TMEM108: variants seen among roughly 807,000 people sequenced by gnomAD.
TMEM108 encodes the protein transmembrane protein 108.
Under a neutral mutation model 35.1 loss-of-function variants are expected in TMEM108, and 12 were observed. That is an observed-to-expected ratio of 0.34 (90% confidence interval 0.22 to 0.55). TMEM108 has a LOEUF of 0.55. TMEM108 is among the 20% of genes least tolerant of loss of function. The pLI, the probability that TMEM108 is intolerant of heterozygous loss-of-function variation, is 0.89. For missense variants in TMEM108, 680 were observed against 753.3 expected (o/e 0.90, Z 1.14); for synonymous variants, 287 against 308.6 (o/e 0.93, Z 0.73).
chr3:133,397,601 ATG>A lies in TMEM108; in HGVS notation c.*1621_*1622del, dbSNP rs1270715616. ...GTTAACTGTTACATTTAATATACCA[ATG>A]TGTGTAAGTATACAGAGAAAAATCT... On this transcript the variant is annotated 3_prime_UTR_variant, in exon 6 of 6. Transcript: ENST00000321871. 6.6e-6 allele frequency: 1 copy of A among 152,130 alleles called. No individual in the cohort carries two copies. Among genetic ancestry groups the A allele is most frequent in the Non-Finnish European group, 1.5e-5 (1 of 68,026 alleles). The allele number at this position is 152,130 out of a possible 1,614,324, so 9.4% of individuals were successfully genotyped here.
intron 5 of TMEM108, among the ~76,000 whole-genome samples, chr3:133,394,261 A>T (rs2107865103): frequency 6.6e-6 from 1 of 152,300 alleles, no homozygotes; most frequent in East Asian, 1.9e-4. Flanking sequence ...AACTTTGGAG[A>T]CTGCCAAATG....
intron 2 of TMEM108, among the ~76,000 whole-genome samples, chr3:133,202,011 ATC>A (rs1945675715): frequency 6.6e-6 from 1 of 152,252 alleles, no homozygotes; most frequent in East Asian, 1.9e-4. Context: ...ATGATATGAT[ATC>A]TCATTGTGGT....
intron 2 of TMEM108, among the ~76,000 whole-genome samples, chr3:133,207,444 C>G (rs907174918): frequency 6.6e-6 from 1 of 152,102 alleles, no homozygotes; most frequent in African/African-American, 2.4e-5. Context: ...TGCCAGCCCT[C>G]CCCTGGACCT....
intron 3 of TMEM108, among the ~76,000 whole-genome samples, chr3:133,232,664 G>A (rs1432772502): frequency 1.3e-5 from 2 of 152,214 alleles, no homozygotes; most frequent in Admixed American, 6.5e-5. Flanking sequence ...CTGGGGCTAA[G>A]GGATGCAGTC....
At chr3:133,069,696 T>C (rs1274701536) in intron 2 of TMEM108, among the ~76,000 whole-genome samples, 1 of 152,148 alleles carries the variant, frequency 6.6e-6, no homozygotes, top group Admixed American at 6.6e-5. Flanking sequence ...GGCTTCCAGC[T>C]TCCTTCATTT....
intron 3 of TMEM108, among the ~76,000 whole-genome samples, chr3:133,358,599 G>A (rs1173654826): frequency 6.6e-6 from 1 of 152,100 alleles, no homozygotes; most frequent in Non-Finnish European, 1.5e-5. Flanking sequence ...GGACTCTCTG[G>A]GCATAAAGGG....
chr3:133,039,269 G>C (rs1024143685), intron 1 of TMEM108, among the ~76,000 whole-genome samples: 2 of 152,070 alleles, frequency 1.3e-5, no homozygotes, highest in African/African-American at 4.8e-5. Context: ...GGTTTTTTTC[G>C]GAGGAAAGGT....
chr3:133,056,276 C>T (rs1448703509), intron 2 of TMEM108, among the ~76,000 whole-genome samples: 1 of 152,178 alleles, frequency 6.6e-6, no homozygotes, highest in Non-Finnish European at 1.5e-5. Context: ...GGTCCTTGGT[C>T]CCGTTCTCTC....
chr3:133,371,617 A>AAAAAAAC (rs2072676923), intron 3 of TMEM108, among the ~76,000 whole-genome samples: 1 of 93,002 alleles, frequency 1.1e-5, no homozygotes, highest in African/African-American at 3.2e-5. Flanking sequence ...AACCCACAAA[A>AAAAAAAC]AAAAAAAAAA....
intron 2 of TMEM108, among the ~76,000 whole-genome samples, chr3:133,080,517 A>T (rs1303326005): frequency 6.6e-6 from 1 of 152,236 alleles, no homozygotes; most frequent in Admixed American, 6.5e-5. Context: ...TTCAAGGCCC[A>T]ACTCAAACAC....
At chr3:133,244,676 T>C (rs1380167504) in intron 3 of TMEM108, among the ~76,000 whole-genome samples, 2 of 152,228 alleles carry the variant, frequency 1.3e-5, no homozygotes, top group African/African-American at 4.8e-5. Context: ...AGAAGAAACT[T>C]TTGGCAGAAT....
rs553763843 is a variant in TMEM108 at position 133,396,240 on chromosome 3, A to T, written c.*254A>T. 1 of 166,216 alleles carries T rather than the reference A, an allele frequency of 6.0e-6. No individual in the cohort carries two copies. Among genetic ancestry groups the T allele is most frequent in the Non-Finnish European group, 1.3e-5 (1 of 79,466 alleles). 10.3% of individuals were successfully genotyped at this position (166,216 alleles called of 1,614,324 possible). On this transcript the variant is annotated 3_prime_UTR_variant, in exon 6 of 6. Coordinates refer to ENST00000321871, the MANE Select transcript of TMEM108 (RefSeq NM_023943.4). ...GCAGTTGCATTGATTGCTTCTCTTAATAACTATTCTTGAGCACCTGGGGAT... is the reference window on the plus strand; with the variant it reads ...GCAGTTGCATTGATTGCTTCTCTTATTAACTATTCTTGAGCACCTGGGGAT...
At chr3:133,264,722 C>T (rs994852150) in intron 3 of TMEM108, among the ~76,000 whole-genome samples, 1 of 152,122 alleles carries the variant, frequency 6.6e-6, no homozygotes, top group African/African-American at 2.4e-5. Context: ...ATGCAAAGCA[C>T]TTACCATAAA....
chr3:133,364,248 C>T (rs561505025), intron 3 of TMEM108, among the ~76,000 whole-genome samples: 1 of 152,192 alleles, frequency 6.6e-6, no homozygotes, highest in Admixed American at 6.5e-5. Flanking sequence ...ACAAGCCTTT[C>T]CTGCTCAACT....
At chr3:133,325,430 A>G (rs2071318177) in intron 3 of TMEM108, among the ~76,000 whole-genome samples, 1 of 152,232 alleles carries the variant, frequency 6.6e-6, no homozygotes, top group Non-Finnish European at 1.5e-5. Flanking sequence ...GAACTTTTCC[A>G]TGCAACCAAA....
intron 2 of TMEM108, among the ~76,000 whole-genome samples, chr3:133,161,286 A>G (rs1257897110): frequency 6.6e-6 from 1 of 152,130 alleles, no homozygotes; most frequent in African/African-American, 2.4e-5. Flanking sequence ...GCCTCTTCAT[A>G]CCATCAGCTC....
In TMEM108 at chr3:133,395,987, C is replaced by T; in HGVS notation, c.*1C>T. The T allele has an allele frequency of 6.4e-7, 1 of 1,568,574 alleles. No individual in the cohort carries two copies. Among genetic ancestry groups the T allele is most frequent in the African/African-American group, 1.4e-5 (1 of 73,214 alleles). ...AAACGATCAAGTATCTGAGATCTAA[C>T]TACAGCAGGCATCACTTTGCCATTC... On this transcript the variant is annotated 3_prime_UTR_variant, in exon 6 of 6. Coordinates refer to ENST00000321871, the MANE Select transcript of TMEM108 (RefSeq NM_023943.4).
Position 133,114,573 on chromosome 3 carries a change from T to TGCCA in TMEM108, c.-47+68556_-47+68559dup, listed in dbSNP as rs1944265156. ...CTGTTGTTGTTGCTGCTCTCCTTTA[T>TGCCA]GCCAGCATTTGTCACACTTGCTTGA... On this transcript the variant is annotated intron_variant, in intron 2 of 5. Coordinates refer to ENST00000321871, the MANE Select transcript of TMEM108 (RefSeq NM_023943.4). 2.0e-5 allele frequency among the ~76,000 whole-genome samples: 3 copies of TGCCA among 152,302 alleles called. No individual in the cohort carries two copies. The South Asian group carries it at 6.2e-4, about 32-fold the overall frequency.
At position 133,301,290 on chromosome 3, in the gene TMEM108, A is replaced by G. The variant is rs963667336; in HGVS notation, c.40+71939A>G. ...TTTATACAACAGCAGCATGTATTCC[A>G]TGAGTCACAGGCTTGAAAGAATAAC... On this transcript the variant is annotated intron_variant, in intron 3 of 5. Transcript: ENST00000321871. Among the ~76,000 whole-genome samples, 3 of 152,152 alleles carry G rather than the reference A, an allele frequency of 2.0e-5. 1 individual carries two copies. The highest frequency in any genetic ancestry group is 7.2e-5 in the African/African-American group (3 of 41,412).
Sources: gnomAD v4.1 joint callset for allele counts (sites outside exome capture counted in the v4.1 genomes callset) on GRCh38, gnomAD v4.1.1 for gene constraint, MANE v1.5 for transcripts, NCBI Gene and HGNC (gene_info 2026-07-23, HGNC 2026-07-21) for gene names.